The following SUMF2 variants were observed in gnomAD, a reference collection of about 807,000 sequenced individuals.
SUMF2 encodes sulfatase modifying factor 2, also known as inactive C-alpha-formylglycine-generating enzyme 2.
SUMF2 carries 45 observed loss-of-function variants against 44.8 expected under a neutral mutation model. The observed-to-expected ratio is 1.00, with a 90% CI of 0.79 to 1.29. The LOEUF (loss-of-function observed/expected upper bound fraction) is 1.29, where lower values mean the gene tolerates loss of function less well. Among genes scored for constraint, SUMF2 ranks in the 50% most tolerant of loss-of-function variants. The probability of loss-of-function intolerance (pLI) is 0.00; values close to 1 mark genes in which losing one functional copy is unlikely to be tolerated. For missense variants in SUMF2, 418 were observed against 389.9 expected, an observed-to-expected ratio of 1.07 and a Z score of -0.61; for synonymous variants, 148 against 150.4, an observed-to-expected ratio of 0.98 and a Z score of 0.12.
intron 8 of SUMF2, 21 bp downstream of exon 8, chr7:56,078,529 C>T: frequency 2.0e-6 from 3 of 1,525,610 alleles, no homozygotes; most frequent in Non-Finnish European, 2.6e-6. Flanking sequence ...TGGTCCCAGG[C>T]AACACGGGGC....
At chr7:56,066,734 C>T (rs1174155737) in intron 1 of SUMF2, among the ~76,000 whole-genome samples, 1 of 152,252 alleles carries the variant, frequency 6.6e-6, no homozygotes, top group African/African-American at 2.4e-5. Flanking sequence ...GATTCTCCTG[C>T]CTCAGCCTCC....
At chr7:56,086,680 A>G in the SUMF2 span, among the ~76,000 whole-genome samples, 1 of 152,032 alleles carries the variant, frequency 6.6e-6, no homozygotes, top group East Asian at 1.9e-4. Flanking sequence ...GCCCGCCTGT[A>G]GCTAATAATT....
At chr7:56,087,637 C>G in the SUMF2 span, 1 of 1,614,010 alleles carries the variant, frequency 6.2e-7, no homozygotes, top group Non-Finnish European at 8.5e-7. Context: ...AGGATGTCCA[C>G]CTCCTTCAGC....
downstream of SUMF2, chr7:56,081,169 T>C (rs778344494): frequency 6.2e-7 from 1 of 1,613,750 alleles, no homozygotes; most frequent in East Asian, 2.2e-5. This position sits in a 1 kb window ranked among gnomAD's most constrained non-coding sequence, Gnocchi z 4.6. Context: ...TCGGAAAGCG[T>C]AGGCGTCGAT....
chr7:56,081,056 A>G, downstream of SUMF2: 2 of 1,612,064 alleles, frequency 1.2e-6, no homozygotes, highest in Non-Finnish European at 8.5e-7. The surrounding 1 kb of genome is among the most constrained non-coding windows in gnomAD (Gnocchi z 4.6). Flanking sequence ...CCAGCCCCTC[A>G]GTAGTCCTCC....
intron 8 of SUMF2, 80 bp from the exon 9 acceptor site, chr7:56,079,448 G>A (rs972025841): frequency 2.1e-5 from 30 of 1,401,310 alleles, no homozygotes; most frequent in Non-Finnish European, 2.7e-5. Flanking sequence ...CCGGCCCTGC[G>A]GATGAGGCAG....
rs1392345922 is a variant in SUMF2, at chr7:56,064,771, T to A, written c.67+393T>A. Among the ~76,000 whole-genome samples, 16 of 148,750 alleles carry A rather than the reference T, an allele frequency of 1.1e-4. No individual in the cohort carries two copies. The East Asian group carries it at 3.2e-3, about 30-fold the overall frequency. On this transcript the variant is annotated intron_variant, in intron 1 of 8. Transcript: ENST00000434526. The stretch of plus-strand genomic sequence containing the variant: ...GGCGGCGGGTGCCTGTAATCCCAGC[T>A]ACTCGGGAGGCTGAGACAGGAGACT...
chr7:56,068,505 G>A lies in SUMF2; in HGVS notation c.91G>A (p.Val31Ile). The stretch of plus-strand genomic sequence containing the variant: ...AGGAAATGGACAGGCTACTAGCATG[G>A]TCCAACTGCAGGGTGGGAGATTCCT... ...KLGNGQATSM[V>I]QLQGGRFLMG... Residue 31 changes from valine to isoleucine, a missense_variant, in exon 2 of 9, where the codon GTC becomes ATC. Transcript: ENST00000434526. The A allele has an allele frequency of 1.2e-6, 2 of 1,613,448 alleles. No individual in the cohort carries two copies. The highest frequency in any genetic ancestry group is 1.7e-6 in the Non-Finnish European group (2 of 1,179,858).
At chr7:56,080,714 A>G, downstream of SUMF2, 2 of 335,382 alleles carry the variant, frequency 6.0e-6, no homozygotes, top group South Asian at 7.3e-5. Context: ...CTAAGGGAAG[A>G]AAGCCTGAGT....
chr7:56,081,132 C>G (rs150151056), downstream of SUMF2: 2,619 of 1,613,830 alleles, frequency 1.6e-3, 6 homozygotes, highest in Middle Eastern at 5.2e-3. The surrounding 1 kb of genome is among the most constrained non-coding windows in gnomAD (Gnocchi z 4.6). Flanking sequence ...TCTGCTGCTG[C>G]CCCTTCTTCA....
At chr7:56,074,445 G>T in intron 4 of SUMF2, 141 bp from the exon 5 acceptor site, 3 of 1,186,378 alleles carry the variant, frequency 2.5e-6, no homozygotes, top group Non-Finnish European at 3.5e-6. Flanking sequence ...TTCTGACTCC[G>T]ACCACTGGTC....
At chr7:56,064,524 C>T (rs1158495186) in intron 1 of SUMF2, 146 bp downstream of exon 1, 6 of 1,144,316 alleles carry the variant, frequency 5.2e-6, no homozygotes, top group Non-Finnish European at 7.2e-6. Flanking sequence ...GTGCGCGTGG[C>T]GCCTCACCGC....
the SUMF2 span, chr7:56,087,504 T>C: frequency 3.3e-5 from 42 of 1,254,356 alleles, no homozygotes; most frequent in Non-Finnish European, 4.5e-5. Context: ...GTGGTTCTAG[T>C]TGGCTGTGCG....
chr7:56,085,426 A>G (rs534747644), downstream of SUMF2, among the ~76,000 whole-genome samples: 139 of 152,320 alleles, frequency 9.1e-4, no homozygotes, highest in African/African-American at 3.3e-3. Context: ...TGCATTTCAC[A>G]GAGCACTTTG....
At chr7:56,076,976 A>G (rs1027476297) in intron 6 of SUMF2, 87 bp downstream of exon 6, 6 of 1,325,972 alleles carry the variant, frequency 4.5e-6, no homozygotes, top group Non-Finnish European at 6.3e-6. Context: ...GGCATCCAGA[A>G]GGCTTGGGTT....
downstream of SUMF2, chr7:56,082,070 C>T (rs777335793): frequency 2.5e-6 from 4 of 1,609,394 alleles, no homozygotes; most frequent in African/African-American, 2.7e-5. Context: ...GGCCCAGGGC[C>T]ACTTACCCAG....
At position 56,079,683 on chromosome 7, in the gene SUMF2, G is replaced by GCAATTC; in HGVS notation, c.*75_*80dup. On this transcript the variant is annotated 3_prime_UTR_variant, in exon 9 of 9. Transcript: ENST00000434526. ...ATTCCCTGGCCATGTTGCAAACAGC[G>GCAATTC]CAATTCCAAGCTCGAGAGCTTCAGC... 6.2e-7 allele frequency: 1 copy of GCAATTC among 1,613,866 alleles called. No homozygotes were observed. Among genetic ancestry groups the GCAATTC allele is most frequent in the African/African-American group, 1.3e-5 (1 of 75,026 alleles).
Position 56,078,440 on chromosome 7 carries a change from C to T in SUMF2, c.753C>T (p.Val251=). Reference sequence around the variant, plus strand: ...AGGCTGCTGAGCAGGACATGCGCGTCCTCCGGGGGGCATCCTGGATCGACA... The same window carrying T: ...AGGCTGCTGAGCAGGACATGCGCGTTCTCCGGGGGGCATCCTGGATCGACA... ...PYQAAEQDMR[V]LRGASWIDTA... Residue 251 remains valine (V), a synonymous_variant, in exon 8 of 9, where the codon GTC becomes GTT. Transcript: ENST00000434526. 6.2e-7 allele frequency: 1 copy of T among 1,609,650 alleles called. No individual in the cohort carries two copies. Among genetic ancestry groups the T allele is most frequent in the Non-Finnish European group, 8.5e-7 (1 of 1,177,508 alleles).
At chr7:56,068,746 G>C in intron 2 of SUMF2, 108 bp downstream of exon 2, 1 of 1,343,196 alleles carries the variant, frequency 7.4e-7, no homozygotes, top group Non-Finnish European at 1.0e-6. Flanking sequence ...CTGTCACCCA[G>C]GTGCTGGAGT....
Sources: allele counts gnomAD v4.1 joint callset (sites outside exome capture counted in the v4.1 genomes callset), GRCh38; gene constraint gnomAD v4.1.1; non-coding constraint Gnocchi (gnomAD v3.1); transcripts MANE v1.5; gene names NCBI Gene and HGNC (gene_info 2026-07-23, HGNC 2026-07-21).